Variants in TSNAX observed in about 807,000 individuals in gnomAD.
TSNAX encodes translin-associated protein X.
TSNAX carries 12 observed loss-of-function variants against 33.0 expected under a neutral mutation model. That is an observed-to-expected ratio of 0.36 (90% CI 0.23 to 0.59). TSNAX has a LOEUF of 0.59. TSNAX is among the 20% of genes least tolerant of loss of function. TSNAX has a pLI of 0.74. For synonymous variants in TSNAX, 110 were observed against 117.2 expected (o/e 0.94, Z 0.40); for missense variants, 267 against 341.3 (o/e 0.78, Z 1.72).
At chr1:231,549,784 CAT>C (rs893458903) in intron 4 of TSNAX, among the ~76,000 whole-genome samples, 50 of 152,278 alleles carry the variant, frequency 3.3e-4, no homozygotes, top group African/African-American at 1.2e-3. Flanking sequence ...AATTTCAGCA[CAT>C]GTGGTTTATC....
chr1:231,559,098 T>C (rs570363501), intron 4 of TSNAX, among the ~76,000 whole-genome samples: 1 of 152,184 alleles, frequency 6.6e-6, no homozygotes, highest in African/African-American at 2.4e-5. Context: ...GACTTGTGAG[T>C]AGCAGGACTC....
chr1:231,532,402 C>G (rs111692882), intron 2 of TSNAX, among the ~76,000 whole-genome samples: 5 of 151,736 alleles, frequency 3.3e-5, no homozygotes, highest in African/African-American at 1.2e-4. Context: ...TGTGTTGCCC[C>G]TGCTGGTCTC....
intron 4 of TSNAX, among the ~76,000 whole-genome samples, chr1:231,554,301 TA>T (rs936597829): frequency 4.6e-5 from 7 of 152,174 alleles, no homozygotes; most frequent in African/African-American, 1.4e-4. Flanking sequence ...TACCAAATTT[TA>T]AAATATTTTT....
At chr1:231,530,948 TAC>T (rs1039450715) in intron 2 of TSNAX, among the ~76,000 whole-genome samples, 1 of 146,260 alleles carries the variant, frequency 6.8e-6, no homozygotes, top group African/African-American at 2.6e-5. Context: ...TCTGCTGAAC[TAC>T]AGTTTTTTGG....
chr1:231,533,068 CTTTTT>C (rs746007509), intron 2 of TSNAX, among the ~76,000 whole-genome samples: 1 of 136,418 alleles, frequency 7.3e-6, no homozygotes, highest in Non-Finnish European at 1.6e-5. Flanking sequence ...CATGGGAAGT[CTTTTT>C]TTTTTTTTTT....
At chr1:231,534,151 A>C (rs1316105122) in intron 2 of TSNAX, 1 of 152,230 alleles carries the variant, frequency 6.6e-6, no homozygotes, top group Non-Finnish European at 1.5e-5. Context: ...AGATTTGATT[A>C]ATATTTTCTC....
At chr1:231,560,517 C>T (rs1160381220) in intron 4 of TSNAX, among the ~76,000 whole-genome samples, 12 of 142,244 alleles carry the variant, frequency 8.4e-5, no homozygotes, top group Admixed American at 6.8e-4. Flanking sequence ...TGGGTTCAAG[C>T]GATTCTCCTG....
intron 5 of TSNAX, among the ~76,000 whole-genome samples, chr1:231,564,067 A>C (rs976978842): frequency 1.3e-5 from 2 of 152,132 alleles, no homozygotes; most frequent in Non-Finnish European, 2.9e-5. Flanking sequence ...GAGAATAATA[A>C]ATTGTGATGG....
At chr1:231,543,914 C>T (rs149353364) in intron 4 of TSNAX, among the ~76,000 whole-genome samples, 38 of 152,196 alleles carry the variant, frequency 2.5e-4, no homozygotes, top group African/African-American at 9.2e-4. Context: ...GTGGCACAAC[C>T]TGTAAAGTGT....
At chr1:231,549,313 G>T (rs745907071) in intron 4 of TSNAX, among the ~76,000 whole-genome samples, 2 of 152,070 alleles carry the variant, frequency 1.3e-5, no homozygotes, top group Non-Finnish European at 2.9e-5. Context: ...ACATGGTGGC[G>T]TGCACCTGAG....
chr1:231,533,927 T>G (rs187115443), intron 2 of TSNAX, among the ~76,000 whole-genome samples: 58 of 152,348 alleles, frequency 3.8e-4, no homozygotes, highest in Admixed American at 3.8e-3. Flanking sequence ...ACATAATACT[T>G]TAATCTACAG....
intron 2 of TSNAX, among the ~76,000 whole-genome samples, chr1:231,530,346 C>G (rs1002394207): frequency 3.3e-5 from 5 of 152,158 alleles, no homozygotes; most frequent in Non-Finnish European, 5.9e-5. Flanking sequence ...CTACTGTGAT[C>G]GTCAGAAGTT....
chr1:231,528,954 C>T (rs1201999386), intron 1 of TSNAX, 128 bp downstream of exon 1: 1 of 1,268,018 alleles, frequency 7.9e-7, no homozygotes, highest in African/African-American at 1.5e-5. Flanking sequence ...GGCGGCCCCT[C>T]TGTTTCTCTC....
At chr1:231,551,283 T>A (rs1188259738) in intron 4 of TSNAX, among the ~76,000 whole-genome samples, 1 of 152,180 alleles carries the variant, frequency 6.6e-6, no homozygotes, top group East Asian at 1.9e-4. Context: ...TTCTAGTCTG[T>A]GAGGTCTCCT....
rs990368870 is a variant in TSNAX at position 231,566,454 on chromosome 1, G to A, written c.*1549G>A. 4 of 152,236 alleles carry A rather than the reference G, an allele frequency of 2.6e-5. No individual in the cohort carries two copies. Among genetic ancestry groups the A allele is most frequent in the African/African-American group, 9.7e-5 (4 of 41,430 alleles). The allele number at this position is 152,236 out of a possible 1,614,324, so 9.4% of individuals were successfully genotyped here. A position where few individuals can be genotyped will look rare whatever the true frequency, so the allele number is the denominator to read the frequency against. On this transcript the variant is annotated 3_prime_UTR_variant, in exon 6 of 6. Coordinates refer to ENST00000366639, the MANE Select transcript of TSNAX (RefSeq NM_005999.3). ...TGAAAGATTAGCTCTGTTTGTAAGG[G>A]CTGATTCCTTGAAAATGTAATTTTC...
intron 2 of TSNAX, among the ~76,000 whole-genome samples, chr1:231,532,153 C>CACACACACACACACACACACACACACAT (rs1658778814): frequency 1.2e-5 from 1 of 86,734 alleles, no homozygotes; most frequent in Admixed American, 1.4e-4. Flanking sequence ...CACACACACA[C>CACACACACACACACACACACACACACAT]ACACACACAC....
At chr1:231,555,974 A>C (rs1472625900) in intron 4 of TSNAX, among the ~76,000 whole-genome samples, 1 of 152,212 alleles carries the variant, frequency 6.6e-6, no homozygotes, top group Non-Finnish European at 1.5e-5. Flanking sequence ...TCATAGTTGC[A>C]CAATGGAAGA....
chr1:231,547,312 A>G (rs1245771459), intron 4 of TSNAX, among the ~76,000 whole-genome samples: 6 of 148,756 alleles, frequency 4.0e-5, no homozygotes, highest in South Asian at 2.1e-4. Flanking sequence ...CTGCTAGACT[A>G]TTATCCATCT....
At chr1:231,562,085 G>C (rs1661152143) in intron 5 of TSNAX, among the ~76,000 whole-genome samples, 1 of 150,826 alleles carries the variant, frequency 6.6e-6, no homozygotes, top group African/African-American at 2.4e-5. Flanking sequence ...AAGCTGTATT[G>C]ACTATTTGAT....
Sources: allele counts gnomAD v4.1 joint callset (sites outside exome capture counted in the v4.1 genomes callset), GRCh38; gene constraint gnomAD v4.1.1; transcripts MANE v1.5; gene names NCBI Gene and HGNC (gene_info 2026-07-23, HGNC 2026-07-21).